KCNIP4: variants seen among roughly 807,000 people sequenced by gnomAD.
KCNIP4 encodes the protein Kv channel-interacting protein 4.
A neutral mutation model predicts 34.0 loss-of-function variants in KCNIP4; 12 were observed. The observed-to-expected ratio is 0.35, with a 90% confidence interval of 0.23 to 0.57. The LOEUF is 0.57. Among genes scored for constraint, KCNIP4 ranks in the 20% least tolerant of loss-of-function variants. KCNIP4 has a pLI of 0.83. For missense variants in KCNIP4, 238 were observed against 311.7 expected (o/e 0.76, Z 1.78); for synonymous variants, 124 against 102.2 (o/e 1.21, Z -1.29).
chr4:21,566,743 T>C (rs1303875390), intron 1 of KCNIP4, among the ~76,000 whole-genome samples: 1 of 152,082 alleles, frequency 6.6e-6, no homozygotes, highest in Non-Finnish European at 1.5e-5. Flanking sequence ...TAAGAAGACT[T>C]AGAGCTTCCA....
intron 1 of KCNIP4, among the ~76,000 whole-genome samples, chr4:21,748,223 G>T (rs1285494530): frequency 6.6e-6 from 1 of 152,296 alleles, no homozygotes; most frequent in East Asian, 1.9e-4. Flanking sequence ...AGGCAGAAGG[G>T]TGTGGTGGAA....
intron 1 of KCNIP4, among the ~76,000 whole-genome samples, chr4:21,622,128 G>C (rs2109179348): frequency 6.6e-6 from 1 of 152,240 alleles, no homozygotes; most frequent in African/African-American, 2.4e-5. Context: ...CTTTAGCCTG[G>C]AATCATTGGT....
intron 1 of KCNIP4, among the ~76,000 whole-genome samples, chr4:21,742,841 G>A (rs1252937641): frequency 6.6e-6 from 1 of 152,212 alleles, no homozygotes; most frequent in South Asian, 2.1e-4. Context: ...AATATATTAA[G>A]AGCATACACA....
In KCNIP4 at chr4:20,865,570, C is replaced by A. The variant is rs141600570; in HGVS notation, c.164-14903G>T. ...TACTATTTGTCACAACATGAATGAA[C>A]CTGGAGGACCTTATGTTAAGTGAAA... On this transcript the variant is annotated intron_variant, in intron 2 of 8. Transcript: ENST00000382152. Among the ~76,000 whole-genome samples the A allele has an allele frequency of 6.7e-3, 1,013 of 151,890 alleles. 8 individuals are homozygous for A. The highest frequency in any genetic ancestry group is 0.023 in the African/African-American group (945 of 41,424).
intron 1 of KCNIP4, among the ~76,000 whole-genome samples, chr4:21,178,440 C>T (rs1164095006): frequency 1.3e-5 from 2 of 152,206 alleles, no homozygotes; most frequent in East Asian, 3.9e-4. Context: ...TCAGTTCCAT[C>T]GTTACTGGGG....
At chr4:21,931,108 A>G (rs1250926319) in intron 1 of KCNIP4, among the ~76,000 whole-genome samples, 4 of 152,086 alleles carry the variant, frequency 2.6e-5, no homozygotes, top group African/African-American at 9.7e-5. Context: ...GTGTTAACTA[A>G]TCTTACTGTG....
In KCNIP4 at chr4:20,729,256, T is replaced by G; in HGVS notation, c.*826A>C. On this transcript the variant is annotated 3_prime_UTR_variant, in exon 9 of 9. Coordinates refer to ENST00000382152, the MANE Select transcript of KCNIP4 (RefSeq NM_025221.6). Reference sequence around the variant, plus strand: ...ACTGGAGGATAGATATCCTGACCCTTTGCATATGTCTGTAAACATCCTTGT... The same window carrying G: ...ACTGGAGGATAGATATCCTGACCCTGTGCATATGTCTGTAAACATCCTTGT... The G allele has an allele frequency of 6.6e-6, 1 of 151,926 alleles. No individual in the cohort carries two copies. The highest frequency in any genetic ancestry group is 2.0e-4 in the East Asian group (1 of 5,036). 9.4% of individuals were successfully genotyped at this position (151,926 alleles called of 1,614,324 possible).
chr4:21,558,863 A>G (rs1408282756), intron 1 of KCNIP4, among the ~76,000 whole-genome samples: 1 of 152,194 alleles, frequency 6.6e-6, no homozygotes, highest in Non-Finnish European at 1.5e-5. Flanking sequence ...TTTGAACTGT[A>G]TTAGCAGTTC....
intron 1 of KCNIP4, among the ~76,000 whole-genome samples, chr4:21,104,646 G>C (rs1241453075): frequency 6.6e-6 from 1 of 151,974 alleles, no homozygotes; most frequent in African/African-American, 2.4e-5. Context: ...TACTTTTGGT[G>C]TTTTAAACAT....
intron 1 of KCNIP4, among the ~76,000 whole-genome samples, chr4:21,772,222 C>T (rs761703023): frequency 5.3e-5 from 8 of 152,052 alleles, no homozygotes; most frequent in Non-Finnish European, 1.0e-4. Context: ...TGATGGATGA[C>T]GTTTATTGAT....
chr4:21,929,625 G>A (rs1293166263), intron 1 of KCNIP4, among the ~76,000 whole-genome samples: 1 of 152,078 alleles, frequency 6.6e-6, no homozygotes, highest in African/African-American at 2.4e-5. Context: ...CCCGCCAGTA[G>A]TTACTCCCAA....
intron 1 of KCNIP4, among the ~76,000 whole-genome samples, chr4:21,248,982 G>T (rs1482019345): frequency 6.6e-6 from 1 of 152,112 alleles, no homozygotes; most frequent in Non-Finnish European, 1.5e-5. Context: ...AAAAAATTTG[G>T]TAAGTATCAT....
intron 1 of KCNIP4, among the ~76,000 whole-genome samples, chr4:21,129,692 C>T (rs182718744): frequency 1.1e-4 from 16 of 152,194 alleles, no homozygotes; most frequent in Admixed American, 2.0e-4. Flanking sequence ...AGTGAATTTA[C>T]GAAAGTTCTC....
intron 1 of KCNIP4, among the ~76,000 whole-genome samples, chr4:21,353,905 C>T (rs148033637): frequency 4.1e-3 from 629 of 152,256 alleles, no homozygotes; most frequent in Non-Finnish European, 6.9e-3. Context: ...AAAGAAAGGT[C>T]GGGTTACCCA....
At chr4:21,700,577 T>G (rs1577870510) in intron 1 of KCNIP4, among the ~76,000 whole-genome samples, 1 of 152,270 alleles carries the variant, frequency 6.6e-6, no homozygotes, top group East Asian at 1.9e-4. Flanking sequence ...TTGTTTGTTT[T>G]TTGCTGTGCA....
intron 1 of KCNIP4, among the ~76,000 whole-genome samples, chr4:21,859,641 G>T (rs1034260019): frequency 6.6e-6 from 1 of 150,728 alleles, no homozygotes; most frequent in Admixed American, 6.6e-5. Context: ...AAAAAAAAAG[G>T]AATAGTGCTC....
chr4:20,744,138 A>C (rs1340466067), intron 5 of KCNIP4, among the ~76,000 whole-genome samples: 2 of 151,624 alleles, frequency 1.3e-5, no homozygotes, highest in Non-Finnish European at 2.9e-5. Flanking sequence ...GATGTGGAGA[A>C]ATAGGAACAC....
chr4:21,744,098 G>C (rs1222922110), intron 1 of KCNIP4, among the ~76,000 whole-genome samples: 1 of 152,074 alleles, frequency 6.6e-6, no homozygotes, highest in African/African-American at 2.4e-5. Flanking sequence ...AATGATGTAA[G>C]GTTAAGGACT....
At chr4:21,838,045 A>C (rs73256580) in intron 1 of KCNIP4, among the ~76,000 whole-genome samples, 1 of 152,308 alleles carries the variant, frequency 6.6e-6, no homozygotes, top group Non-Finnish European at 1.5e-5. Flanking sequence ...AAAGCTATAA[A>C]ATATTAAATA....
Sources: gnomAD v4.1 joint callset for allele counts (sites outside exome capture counted in the v4.1 genomes callset) on GRCh38, gnomAD v4.1.1 for gene constraint, MANE v1.5 for transcripts, NCBI Gene and HGNC (gene_info 2026-07-23, HGNC 2026-07-21) for gene names.